Variants in RIPOR2 observed in about 807,000 individuals in gnomAD.
The protein encoded by RIPOR2 is RHO family interacting cell polarization regulator 2, also known as rho family-interacting cell polarization regulator 2.
A neutral mutation model predicts 114.5 loss-of-function variants in RIPOR2; 39 were observed. The observed-to-expected ratio is 0.34, with a 90% confidence interval of 0.26 to 0.44. The LOEUF (loss-of-function observed/expected upper bound fraction) is 0.44. RIPOR2 is among the 20% of genes least tolerant of loss of function. The pLI is 1.00. For synonymous variants in RIPOR2, 445 were observed against 484.4 expected, an observed-to-expected ratio of 0.92 and a Z score of 1.07; for missense variants, 1,007 against 1,255.1, an observed-to-expected ratio of 0.80 and a Z score of 2.99.
intron 1 of RIPOR2, among the ~76,000 whole-genome samples, chr6:24,898,041 G>GGAAGGAAGGAAGGAAA (rs1172436346): frequency 7.9e-4 from 120 of 151,154 alleles, no homozygotes; most frequent in African/African-American, 2.6e-3. Context: ...AAAGAAGGAA[G>GGAAGGAAGGAAGGAAA]GAAGGAAGGA....
At chr6:24,808,422 C>T (rs1780917264) in intron 21 of RIPOR2, among the ~76,000 whole-genome samples, 1 of 152,124 alleles carries the variant, frequency 6.6e-6, no homozygotes, top group Non-Finnish European at 1.5e-5. Context: ...AATTTCTATG[C>T]CTAATACAAC....
At chr6:25,041,596 G>A (rs1214929687) in intron 1 of RIPOR2, among the ~76,000 whole-genome samples, 1 of 152,238 alleles carries the variant, frequency 6.6e-6, no homozygotes, top group Non-Finnish European at 1.5e-5. Context: ...AGGCCCTGTG[G>A]CCCTGTCTTG....
At chr6:25,041,757 T>A in intron 1 of RIPOR2, 1 of 636,730 alleles carries the variant, frequency 1.6e-6, no homozygotes, top group East Asian at 2.8e-5. Flanking sequence ...GGGGAAAGAT[T>A]GGAGAAGATT....
intron 19 of RIPOR2, among the ~76,000 whole-genome samples, chr6:24,822,665 C>T (rs989070437): frequency 6.6e-6 from 1 of 152,102 alleles, no homozygotes; most frequent in African/African-American, 2.4e-5. Flanking sequence ...ACTACAGGTG[C>T]CCACCACCAC....
Position 24,862,039 on chromosome 6 carries a change from A to C in RIPOR2, c.652-1003T>G, listed in dbSNP as rs189563888. Among the ~76,000 whole-genome samples the C allele has an allele frequency of 2.0e-5, 3 of 152,342 alleles. No homozygotes were observed. In the East Asian group the frequency reaches 5.8e-4, roughly 29 times the overall value. The stretch of plus-strand genomic sequence containing the variant: ...GGGTCTGACAAGGGTCTTCTCTTTG[A>C]TGTTGAAGGAAAAGGATAGAGAGAA... On this transcript the variant is annotated intron_variant, in intron 7 of 21. Transcript: ENST00000643898.
rs138472375 is a variant in RIPOR2, at chr6:25,007,300, G to A, written c.76+34551C>T. Among the ~76,000 whole-genome samples, 20 of 152,252 alleles carry A rather than the reference G, an allele frequency of 1.3e-4. No homozygotes were observed. The East Asian group carries it at 3.5e-3, about 26-fold the overall frequency. ...GAGTAGTGGCCTGCTTCTCAGAGGA[G>A]GTAACTTCTCTGATATTGTTGGTCT... is the stretch of plus-strand genomic sequence containing the variant. On this transcript the variant is annotated intron_variant, in intron 1 of 13. Coordinates refer to the RIPOR2 transcript ENST00000510784.
chr6:24,951,851 G>A (rs1230205829), intron 1 of RIPOR2, among the ~76,000 whole-genome samples: 1 of 152,146 alleles, frequency 6.6e-6, no homozygotes, highest in Admixed American at 6.6e-5. Context: ...TACACACTGG[G>A]ATGAGGGCAT....
intron 12 of RIPOR2, chr6:24,847,405 G>T: frequency 1.3e-6 from 1 of 760,516 alleles, no homozygotes; most frequent in Non-Finnish European, 2.0e-6. Context: ...ACGACCAAGT[G>T]TCCCGCCCCA....
chr6:24,999,693 C>T (rs889475263), intron 1 of RIPOR2, among the ~76,000 whole-genome samples: 1 of 151,706 alleles, frequency 6.6e-6, no homozygotes, highest in Non-Finnish European at 1.5e-5. Context: ...GTAGCTGGGA[C>T]TACAGGCGCC....
chr6:24,847,958 TC>T, intron 12 of RIPOR2, 66 bp downstream of exon 12: 1 of 1,598,312 alleles, frequency 6.3e-7, no homozygotes, highest in South Asian at 1.1e-5. Context: ...CTTAAGCATT[TC>T]AAATGCTGGG....
At chr6:24,910,702 A>G (rs1172548731) in intron 1 of RIPOR2, 1 of 571,200 alleles carries the variant, frequency 1.8e-6, no homozygotes, top group Non-Finnish European at 2.2e-6. Context: ...TCCAGTTTCA[A>G]CGGCTGCTTA....
Position 24,970,160 on chromosome 6 carries a change from C to CA in RIPOR2, c.76+71690_76+71691insT, listed in dbSNP as rs1374889570. 2.0e-3 allele frequency among the ~76,000 whole-genome samples: 47 copies of CA among 22,980 alleles called. No individual in the cohort carries two copies. In the East Asian group the frequency reaches 0.13, roughly 62 times the overall value. 15.1% of individuals were successfully genotyped at this position (22,980 alleles called of 152,430 possible). A position where few individuals can be genotyped will look rare whatever the true frequency, so the allele number is the denominator to read the frequency against. On this transcript the variant is annotated intron_variant, in intron 1 of 13. Coordinates refer to the RIPOR2 transcript ENST00000510784. ...AAGTTGGAGGGGGAAAGAAAGGGGA[C>CA]GAAAAAAAAAGGACCAATTGTCAGA... is the stretch of plus-strand genomic sequence containing the variant.
chr6:25,017,695 C>T (rs1372345848), intron 1 of RIPOR2, among the ~76,000 whole-genome samples: 1 of 152,188 alleles, frequency 6.6e-6, no homozygotes, highest in African/African-American at 2.4e-5. Flanking sequence ...GGTTGTGATT[C>T]ACTGTTCTTG....
At position 25,039,272 on chromosome 6, in the gene RIPOR2, A is replaced by G. The variant is rs774333624; in HGVS notation, c.76+2579T>C. ...GCGTCCTTCCCTCGCAGGTGTCTTC[A>G]CTCTTTCTCCCTTTCCACTTTCTCT... On this transcript the variant is annotated intron_variant, in intron 1 of 13. Transcript: ENST00000510784. 8.5e-5 allele frequency among the ~76,000 whole-genome samples: 13 copies of G among 152,236 alleles called. No homozygotes were observed. The South Asian group carries it at 2.3e-3, about 27-fold the overall frequency.
At chr6:24,897,921 G>A (rs760765494) in intron 1 of RIPOR2, among the ~76,000 whole-genome samples, 14 of 152,002 alleles carry the variant, frequency 9.2e-5, no homozygotes, top group Non-Finnish European at 1.5e-4. Flanking sequence ...CACCATGCCT[G>A]GCTGAGGCAG....
chr6:24,869,182 T>C, intron 5 of RIPOR2, 35 bp from the exon 6 acceptor site: 2 of 1,134,696 alleles, frequency 1.8e-6, no homozygotes, highest in South Asian at 2.7e-5. Context: ...AGTACAGTCA[T>C]TTATAGTTCA....
At chr6:24,863,253 A>T (rs1258860894) in intron 7 of RIPOR2, among the ~76,000 whole-genome samples, 1 of 152,108 alleles carries the variant, frequency 6.6e-6, no homozygotes, top group Non-Finnish European at 1.5e-5. Context: ...GCACCCGGCC[A>T]TGAGGATATA....
intron 1 of RIPOR2, among the ~76,000 whole-genome samples, chr6:24,952,989 T>A (rs1042701990): frequency 6.6e-6 from 1 of 152,204 alleles, no homozygotes; most frequent in African/African-American, 2.4e-5. Context: ...ATTTCATATA[T>A]AGAAGTCCTA....
At chr6:24,927,917 C>T (rs753291454) in intron 1 of RIPOR2, among the ~76,000 whole-genome samples, 6 of 152,134 alleles carry the variant, frequency 3.9e-5, no homozygotes, top group Admixed American at 1.3e-4. Flanking sequence ...ACAACAATGG[C>T]TTCAGAATTT....
Sources: allele counts gnomAD v4.1 joint callset (sites outside exome capture counted in the v4.1 genomes callset), GRCh38; gene constraint gnomAD v4.1.1; transcripts MANE v1.5; gene names NCBI Gene and HGNC (gene_info 2026-07-23, HGNC 2026-07-21).